GPR107: variants seen among roughly 807,000 people sequenced by gnomAD.
The protein encoded by GPR107 is G protein-coupled receptor 107.
GPR107 carries 31 observed loss-of-function variants against 75.5 expected under a neutral mutation model. The observed-to-expected ratio is 0.41, with a 90% CI of 0.31 to 0.55. The LOEUF (loss-of-function observed/expected upper bound fraction) is 0.55. Among genes scored for constraint, GPR107 ranks in the 20% least tolerant of loss-of-function variants. GPR107 has a pLI of 0.26. For missense variants in GPR107, 572 were observed against 665.7 expected (o/e 0.86, Z 1.55); for synonymous variants, 267 against 251.3 (o/e 1.06, Z -0.59).
At chr9:130,106,947 C>T (rs1453333845) in intron 13 of GPR107, among the ~76,000 whole-genome samples, 1 of 152,180 alleles carries the variant, frequency 6.6e-6, no homozygotes, top group African/African-American at 2.4e-5. Context: ...TAATGTTCCT[C>T]TGCCTGAAAT....
intron 10 of GPR107, among the ~76,000 whole-genome samples, chr9:130,100,392 C>T (rs554353485): frequency 1.1e-4 from 16 of 152,196 alleles, no homozygotes; most frequent in Non-Finnish European, 1.6e-4. Flanking sequence ...CACAACTTCT[C>T]CTGTCTGTGG....
intron 9 of GPR107, among the ~76,000 whole-genome samples, chr9:130,095,160 CA>C (rs1232532853): frequency 6.6e-6 from 1 of 152,054 alleles, no homozygotes; most frequent in African/African-American, 2.4e-5. Context: ...GAAACTGGGA[CA>C]GTAATAGTTA....
At chr9:130,132,754 C>G (rs900155181) in intron 17 of GPR107, among the ~76,000 whole-genome samples, 2 of 151,446 alleles carry the variant, frequency 1.3e-5, no homozygotes, top group African/African-American at 4.9e-5. Context: ...CCACTGCACT[C>G]CAGCCTGGGT....
Position 130,075,714 on chromosome 9 carries a change from C to A in GPR107, c.220C>A (p.Leu74Ile). 6.2e-7 allele frequency: 1 copy of A among 1,600,172 alleles called. No homozygotes were observed. The highest frequency in any genetic ancestry group is 8.6e-7 in the Non-Finnish European group (1 of 1,167,454). The change falls in exon 2 of 18, where the codon CTC becomes ATC. Residue 74 changes from leucine (L) to isoleucine (I), a missense_variant. Coordinates refer to ENST00000347136, the MANE Select transcript of GPR107 (RefSeq NM_020960.5). ...DGYMVVNVSS[L>I]SLNEPEDKDV... The stretch of plus-strand genomic sequence containing the variant: ...GTACATGGTGGTGAATGTCAGTAGC[C>A]TCTCACTGAATGAGCCTGAAGACAA...
chr9:130,127,172 A>ATCAAGGG (rs1831709473), intron 15 of GPR107, among the ~76,000 whole-genome samples: 2 of 152,214 alleles, frequency 1.3e-5, no homozygotes, highest in Admixed American at 6.5e-5. Context: ...GGAGATTGAA[A>ATCAAGGG]TCAAGGGCTT....
chr9:130,092,368 C>G lies in GPR107; in HGVS notation c.850C>G (p.Leu284Val), dbSNP rs1564670957. The G allele has an allele frequency of 6.2e-7, 1 of 1,611,680 alleles. No homozygotes were observed. Among genetic ancestry groups the G allele is most frequent in the Non-Finnish European group, 8.5e-7 (1 of 1,177,922 alleles). The change falls in exon 9 of 18, where the codon CTT (leucine) becomes GTT (valine). Residue 284 changes from leucine (L) to valine (V), a missense_variant. Leu to Val is a conservative substitution (Grantham distance 32). Transcript: ENST00000347136. The stretch of plus-strand genomic sequence containing the variant: ...TTCTGGGACCATCTGGATTCATATC[C>G]TTCGAAAACGACGGTAAACTATTTC... Reference protein sequence around the residue: ...FLSGTIWIHILRKRRNDVFKI... With the variant: ...FLSGTIWIHIVRKRRNDVFKI...
chr9:130,089,997 G>T (rs1027916093), intron 7 of GPR107, among the ~76,000 whole-genome samples: 4 of 152,162 alleles, frequency 2.6e-5, no homozygotes, highest in Non-Finnish European at 4.4e-5. Context: ...AAATAGAACA[G>T]TTCCAGCACC....
In GPR107 at chr9:130,136,769, G is replaced by A. The variant is rs528583839; in HGVS notation, c.*1648G>A. On this transcript the variant is annotated 3_prime_UTR_variant, in exon 18 of 18. Coordinates refer to ENST00000347136, the MANE Select transcript of GPR107 (RefSeq NM_020960.5). ...TGATTCGCCATCTGGGTTCTGTAGGGTGCTCTGAAGGTGTGATCTGCCTTC... is the reference window on the plus strand; with the variant it reads ...TGATTCGCCATCTGGGTTCTGTAGGATGCTCTGAAGGTGTGATCTGCCTTC... The A allele has an allele frequency of 1.0e-4, 16 of 152,400 alleles. No individual in the cohort carries two copies. Among genetic ancestry groups the A allele is most frequent in the Non-Finnish European group, 2.1e-4 (14 of 68,052 alleles). 9.4% of individuals were successfully genotyped at this position (152,400 alleles called of 1,614,324 possible). A position where few individuals can be genotyped will look rare whatever the true frequency, so the allele number is the denominator to read the frequency against.
intron 1 of GPR107, among the ~76,000 whole-genome samples, chr9:130,074,283 C>T (rs908414774): frequency 6.6e-6 from 1 of 152,092 alleles, no homozygotes; most frequent in Non-Finnish European, 1.5e-5. Flanking sequence ...GCTGTTTCTG[C>T]CAAAGATCTG....
chr9:130,054,400 T>C (rs1166863317), intron 1 of GPR107, among the ~76,000 whole-genome samples: 1 of 152,184 alleles, frequency 6.6e-6, no homozygotes. Context: ...CCCGATCGCC[T>C]TTCTTCTTTC....
At chr9:130,055,666 T>C (rs1399655214) in intron 1 of GPR107, among the ~76,000 whole-genome samples, 8 of 150,986 alleles carry the variant, frequency 5.3e-5, no homozygotes, top group Non-Finnish European at 1.2e-4. Flanking sequence ...CTGGCTTGAC[T>C]GGGCACGGTG....
At chr9:130,125,969 C>T (rs13302290) in intron 15 of GPR107, among the ~76,000 whole-genome samples, 99,279 of 150,804 alleles carry the variant, frequency 0.66, 32,776 homozygotes, top group East Asian at 0.82. Context: ...GCAGGAGAAT[C>T]GCTTGAACCC....
chr9:130,123,795 G>T (rs945922324), intron 14 of GPR107, among the ~76,000 whole-genome samples: 1 of 152,078 alleles, frequency 6.6e-6, no homozygotes, highest in African/African-American at 2.4e-5. Context: ...ACTGCACCTG[G>T]CCAAGATTTA....
At chr9:130,096,468 CTTTTTTTT>C (rs34230243) in intron 9 of GPR107, among the ~76,000 whole-genome samples, 2 of 122,372 alleles carry the variant, frequency 1.6e-5, no homozygotes, top group African/African-American at 6.3e-5. Context: ...CATTTTTGGA[CTTTTTTTT>C]TTTTTTTTTT....
intron 1 of GPR107, among the ~76,000 whole-genome samples, chr9:130,072,223 A>ATTTT (rs1204270335): frequency 7.4e-6 from 1 of 135,052 alleles, no homozygotes; most frequent in Non-Finnish European, 1.6e-5. Context: ...TATTTATTTA[A>ATTTT]TTTTTTTTTT....
chr9:130,085,137 G>A (rs1274871542), intron 6 of GPR107, among the ~76,000 whole-genome samples: 38 of 152,178 alleles, frequency 2.5e-4, no homozygotes, highest in Admixed American at 2.5e-3. Flanking sequence ...GTTTATTAAA[G>A]ATCATAATTC....
At chr9:130,134,317 C>T (rs1831899897) in intron 17 of GPR107, among the ~76,000 whole-genome samples, 1 of 152,214 alleles carries the variant, frequency 6.6e-6, no homozygotes, top group Non-Finnish European at 1.5e-5. Context: ...CTGCCTTGCT[C>T]AGCTCCTCAT....
At position 130,112,126 on chromosome 9, in the gene GPR107, C is replaced by A. The variant is rs574555864; in HGVS notation, c.1306+4587C>A. Among the ~76,000 whole-genome samples, 154 of 152,294 alleles carry A rather than the reference C, an allele frequency of 1.0e-3. No individual in the cohort carries two copies. Among genetic ancestry groups the A allele is most frequent in the Admixed American group, 6.1e-3 (94 of 15,294 alleles). ...TTAATTAACAGTCTCTGCTGCTCACCATCCTTTTTTTGGGCCTTGTGTTTC... is the reference window on the plus strand; with the variant it reads ...TTAATTAACAGTCTCTGCTGCTCACAATCCTTTTTTTGGGCCTTGTGTTTC... On this transcript the variant is annotated intron_variant, in intron 14 of 17. Transcript: ENST00000347136. The surrounding 1 kb of genome is among the most constrained non-coding windows in gnomAD (Gnocchi z 4.0).
chr9:130,125,068 T>G, intron 15 of GPR107, 104 bp downstream of exon 15: 1 of 460,444 alleles, frequency 2.2e-6, no homozygotes. Flanking sequence ...ATGTGCCACC[T>G]GGAGCTGAGC....
Sources: allele counts gnomAD v4.1 joint callset (sites outside exome capture counted in the v4.1 genomes callset), GRCh38; gene constraint gnomAD v4.1.1; non-coding constraint Gnocchi (gnomAD v3.1); transcripts MANE v1.5; gene names NCBI Gene and HGNC (gene_info 2026-07-23, HGNC 2026-07-21).